Variants in C8A observed in about 807,000 individuals in gnomAD.
C8A encodes complement component C8 alpha chain.
Under a neutral mutation model 65.3 loss-of-function variants are expected in C8A, and 67 were observed. The observed-to-expected ratio is 1.03, with a 90% CI of 0.84 to 1.26. The LOEUF is 1.26. Ranked by LOEUF, C8A falls within the 50% of genes most tolerant of loss-of-function variation. The pLI, the probability that C8A is intolerant of heterozygous loss-of-function variation, is 0.00. For synonymous variants in C8A, 290 were observed against 259.4 expected (o/e 1.12, Z -1.13); for missense variants, 781 against 723.9 (o/e 1.08, Z -0.90).
chr1:56,865,287 G>A (rs1223036526), intron 1 of C8A, among the ~76,000 whole-genome samples: 2 of 152,176 alleles, frequency 1.3e-5, no homozygotes, highest in East Asian at 1.9e-4. Context: ...TAAGCAGCAA[G>A]CATTTATTCT....
Position 56,906,437 on chromosome 1 carries a change from A to G in C8A, c.1097-230A>G, listed in dbSNP as rs1040264712. Among the ~76,000 whole-genome samples the G allele has an allele frequency of 3.9e-5, 6 of 152,044 alleles. No homozygotes were observed. In the South Asian group the frequency reaches 6.2e-4, roughly 16 times the overall value. ...AATGGTCAAAGGAAAGAGTGCTAGC[A>G]TTTTTTACCAACTAGTATGTGCAAC... On this transcript the variant is annotated intron_variant, in intron 7 of 10. Coordinates refer to ENST00000361249, the MANE Select transcript of C8A (RefSeq NM_000562.3).
intron 2 of C8A, 116 bp from the exon 3 acceptor site, chr1:56,874,833 C>T (rs1362924245): frequency 9.0e-7 from 1 of 1,113,992 alleles, no homozygotes; most frequent in Non-Finnish European, 1.3e-6. Context: ...GCTTCACAGG[C>T]AGGTCTCAAT....
At chr1:56,864,206 A>T (rs1184906004) in intron 1 of C8A, among the ~76,000 whole-genome samples, 2 of 152,206 alleles carry the variant, frequency 1.3e-5, no homozygotes, top group Non-Finnish European at 2.9e-5. Context: ...TTATGATGAG[A>T]ATGAAAGATA....
intron 4 of C8A, 135 bp downstream of exon 4, chr1:56,876,344 C>A: frequency 1.9e-6 from 2 of 1,033,170 alleles, no homozygotes; most frequent in Non-Finnish European, 3.0e-6. Flanking sequence ...TCTCATTGTC[C>A]CCAGAGATGG....
intron 1 of C8A, among the ~76,000 whole-genome samples, chr1:56,858,430 G>A (rs1386948202): frequency 6.6e-6 from 1 of 152,136 alleles, no homozygotes; most frequent in Non-Finnish European, 1.5e-5. Flanking sequence ...TTCCATTGAT[G>A]AAAAGCAGAA....
intron 7 of C8A, among the ~76,000 whole-genome samples, chr1:56,906,334 G>T (rs967722558): frequency 4.6e-5 from 7 of 152,160 alleles, no homozygotes; most frequent in Non-Finnish European, 8.8e-5. Context: ...GCCTATCATG[G>T]CCCGGGCACT....
chr1:56,862,530 T>C (rs1400615227), intron 1 of C8A, among the ~76,000 whole-genome samples: 1 of 152,202 alleles, frequency 6.6e-6, no homozygotes, highest in African/African-American at 2.4e-5. Flanking sequence ...CATGGAACTT[T>C]TCTCCTCTTC....
chr1:56,889,800 G>A (rs1249179653), intron 7 of C8A, among the ~76,000 whole-genome samples: 1 of 152,010 alleles, frequency 6.6e-6, no homozygotes, highest in Non-Finnish European at 1.5e-5. Flanking sequence ...CTTCTAATGT[G>A]CCCTTTAGAT....
At chr1:56,895,538 A>G (rs970299258) in intron 7 of C8A, among the ~76,000 whole-genome samples, 2 of 152,170 alleles carry the variant, frequency 1.3e-5, no homozygotes, top group Non-Finnish European at 2.9e-5. Flanking sequence ...ACCATAACCC[A>G]TTAGTAGATT....
chr1:56,909,176 A>C (rs1032641794), intron 9 of C8A, among the ~76,000 whole-genome samples: 7 of 152,238 alleles, frequency 4.6e-5, no homozygotes, highest in Non-Finnish European at 1.0e-4. Context: ...AGCAGTTGCC[A>C]AACTATTTCT....
At chr1:56,881,663 C>T in intron 5 of C8A, 29 bp downstream of exon 5, 1 of 1,601,660 alleles carries the variant, frequency 6.2e-7, no homozygotes, top group Non-Finnish European at 8.5e-7. Flanking sequence ...GCTCTGAGGC[C>T]ACTGTGGTGT....
intron 1 of C8A, among the ~76,000 whole-genome samples, chr1:56,859,086 C>A (rs933704500): frequency 6.6e-6 from 1 of 152,138 alleles, no homozygotes; most frequent in Admixed American, 6.5e-5. Context: ...CAGAATACAT[C>A]TCAGAATGCT....
intron 10 of C8A, 123 bp from the exon 11 acceptor site, chr1:56,917,442 A>T (rs1644561393): frequency 2.1e-6 from 2 of 932,460 alleles, no homozygotes; most frequent in Non-Finnish European, 3.5e-6. Context: ...GCAGTCGACC[A>T]GAGGAGGGGA....
intron 7 of C8A, among the ~76,000 whole-genome samples, chr1:56,892,894 T>C (rs749206740): frequency 2.6e-5 from 4 of 152,160 alleles, no homozygotes; most frequent in Non-Finnish European, 5.9e-5. Flanking sequence ...GATGCTGTAA[T>C]AGAAATCCTG....
intron 1 of C8A, among the ~76,000 whole-genome samples, chr1:56,860,400 A>G (rs6697767): frequency 0.024 from 3,585 of 152,272 alleles, 146 homozygotes; most frequent in African/African-American, 0.082. Flanking sequence ...AGGCACCACA[A>G]TGAGAAATTT....
intron 2 of C8A, among the ~76,000 whole-genome samples, chr1:56,871,795 T>A (rs1644149175): frequency 6.6e-6 from 1 of 152,172 alleles, no homozygotes; most frequent in African/African-American, 2.4e-5. Context: ...TCGAATATAA[T>A]TTTTAGAGTA....
intron 10 of C8A, among the ~76,000 whole-genome samples, chr1:56,916,231 C>T (rs112176562): frequency 0.016 from 2,379 of 152,330 alleles, 28 homozygotes; most frequent in Non-Finnish European, 0.024. Context: ...CTCCTGCATT[C>T]AGTTGCAGGC....
chr1:56,887,333 A>C (rs1281866708), intron 7 of C8A, among the ~76,000 whole-genome samples: 2 of 152,166 alleles, frequency 1.3e-5, no homozygotes, highest in East Asian at 3.9e-4. Context: ...GGGTAAAAGC[A>C]TTCCTGTTTC....
chr1:56,891,932 G>A (rs111620898), intron 7 of C8A, among the ~76,000 whole-genome samples: 1 of 152,120 alleles, frequency 6.6e-6, no homozygotes, highest in Admixed American at 6.5e-5. Flanking sequence ...TATGAACTTT[G>A]ATGTACAAGT....
Sources: gnomAD v4.1 joint callset for allele counts (sites outside exome capture counted in the v4.1 genomes callset) on GRCh38, gnomAD v4.1.1 for gene constraint, MANE v1.5 for transcripts, NCBI Gene and HGNC (gene_info 2026-07-23, HGNC 2026-07-21) for gene names.